PTDSS2: variants seen among roughly 807,000 people sequenced by gnomAD.
PTDSS2 encodes the protein PSS-2.
A neutral mutation model predicts 64.7 loss-of-function variants in PTDSS2; 41 were observed. The ratio of observed to expected loss-of-function variants is 0.63; its 90% confidence interval spans 0.49 to 0.82. The LOEUF is 0.82. Ranked by LOEUF, PTDSS2 falls within the 40% of genes least tolerant of loss-of-function variation. The probability of loss-of-function intolerance (pLI) is 0.00; values close to 1 mark genes in which losing one functional copy is unlikely to be tolerated. For missense variants in PTDSS2, 485 were observed against 650.0 expected, an observed-to-expected ratio of 0.75 and a Z score of 2.76; for synonymous variants, 297 against 277.8, an observed-to-expected ratio of 1.07 and a Z score of -0.69.
At chr11:459,112 GT>G in intron 1 of PTDSS2, 1 of 112,050 alleles carries the variant, frequency 8.9e-6, no homozygotes, top group African/African-American at 3.5e-5. Flanking sequence ...TCCGGTGGAT[GT>G]CGGACCTGGG....
At chr11:489,271 T>G (rs920491652) in intron 8 of PTDSS2, 129 bp from the exon 9 acceptor site, 8 of 724,010 alleles carry the variant, frequency 1.1e-5, no homozygotes, top group Non-Finnish European at 2.3e-6. Flanking sequence ...CGGGGCGGGG[T>G]GACCAAGAGC....
chr11:451,044 C>T (rs569326883), intron 1 of PTDSS2, among the ~76,000 whole-genome samples: 1 of 152,340 alleles, frequency 6.6e-6, no homozygotes, highest in South Asian at 2.1e-4. Context: ...TGTCCCCCGT[C>T]ATTCTGCCTG....
chr11:458,648 G>A (rs951066532), intron 1 of PTDSS2: 2 of 151,796 alleles, frequency 1.3e-5, no homozygotes, highest in African/African-American at 4.9e-5. Context: ...TGGGACTACA[G>A]GTGCCTGCCA....
intron 3 of PTDSS2, among the ~76,000 whole-genome samples, chr11:477,631 G>C (rs1196430039): frequency 2.6e-5 from 4 of 152,254 alleles, no homozygotes; most frequent in Admixed American, 2.6e-4. Context: ...GGCAGTGCGG[G>C]GAGGGAAGTT....
chr11:486,144 T>C (rs866441154), intron 4 of PTDSS2, among the ~76,000 whole-genome samples: 5 of 152,178 alleles, frequency 3.3e-5, no homozygotes, highest in Non-Finnish European at 5.9e-5. Flanking sequence ...CTGTAAATGA[T>C]GTAAACCTCC....
intron 1 of PTDSS2, among the ~76,000 whole-genome samples, chr11:457,850 T>C (rs916129021): frequency 6.6e-6 from 1 of 152,252 alleles, no homozygotes; most frequent in Non-Finnish European, 1.5e-5. Context: ...CTCACTTTTC[T>C]GTGCCGTTTT....
chr11:451,908 G>A (rs1380932604), intron 1 of PTDSS2, among the ~76,000 whole-genome samples: 3 of 152,206 alleles, frequency 2.0e-5, no homozygotes, highest in Non-Finnish European at 4.4e-5. Flanking sequence ...CCGGGTGGCT[G>A]CGGGGCCCTC....
At chr11:484,686 G>A (rs936693722) in intron 4 of PTDSS2, among the ~76,000 whole-genome samples, 1 of 149,032 alleles carries the variant, frequency 6.7e-6, no homozygotes, top group African/African-American at 2.4e-5. Flanking sequence ...GCACGGGCGT[G>A]TGTGCTGTGT....
At chr11:448,567 C>G (rs1475094075), upstream of PTDSS2, 4 of 152,282 alleles carry the variant, frequency 2.6e-5, no homozygotes, top group Non-Finnish European at 2.9e-5. Context: ...CAGCTGGACG[C>G]GGCCAGGGCC....
At chr11:451,456 C>T (rs1197513473) in intron 1 of PTDSS2, 6 of 435,870 alleles carry the variant, frequency 1.4e-5, no homozygotes, top group South Asian at 9.5e-5. Context: ...TGAAAGCAGG[C>T]TTCGTGAGAG....
intron 2 of PTDSS2, among the ~76,000 whole-genome samples, chr11:465,983 G>C (rs762268666): frequency 6.6e-6 from 1 of 152,242 alleles, no homozygotes; most frequent in African/African-American, 2.4e-5. Flanking sequence ...TTAAGGGAAC[G>C]AAAAGGTGAG....
At chr11:456,226 G>A (rs1014762981) in intron 1 of PTDSS2, among the ~76,000 whole-genome samples, 3 of 141,978 alleles carry the variant, frequency 2.1e-5, no homozygotes, top group Admixed American at 1.4e-4. Flanking sequence ...AGGCTGGAGT[G>A]CAGGGATGTG....
chr11:489,699 G>A lies in PTDSS2; in HGVS notation c.1081G>A (p.Ala361Thr). ...CTTCTTCGTGAACGTGGGTGGCGTG[G>A]CCATGCGTGAGATCTACGACTTCAT... is the stretch of plus-strand genomic sequence containing the variant. ...LVFFVNVGGV[A>T]MREIYDFMDD... Residue 361 changes from alanine to threonine, a missense_variant, in exon 10 of 12, where the codon GCC becomes ACC. Around this residue, in one of 3 missense-constraint regions of PTDSS2, gnomAD observed 219 missense variants for 257.3 expected, o/e 0.85. Transcript: ENST00000308020. 7 of 1,605,960 alleles carry A rather than the reference G, an allele frequency of 4.4e-6. No individual in the cohort carries two copies. Among genetic ancestry groups the A allele is most frequent in the Non-Finnish European group, 5.9e-6 (7 of 1,176,722 alleles).
In PTDSS2 at chr11:470,810, G is replaced by C. The variant is rs180889218; in HGVS notation, c.285-3085G>C. ...TCACCATGTTGGTCAGGCTGGTCTCGAACTCCTGACCTTGTGATCCGCCTG... is the reference window on the plus strand; with the variant it reads ...TCACCATGTTGGTCAGGCTGGTCTCCAACTCCTGACCTTGTGATCCGCCTG... On this transcript the variant is annotated intron_variant, in intron 2 of 11. Coordinates refer to ENST00000308020, the MANE Select transcript of PTDSS2 (RefSeq NM_030783.3). The surrounding 1 kb of genome is among the most constrained non-coding windows in gnomAD (Gnocchi z 5.3). Among the ~76,000 whole-genome samples, 19 of 151,974 alleles carry C rather than the reference G, an allele frequency of 1.3e-4. No individual in the cohort carries two copies. Among genetic ancestry groups the C allele is most frequent in the Admixed American group, 9.8e-4 (15 of 15,274 alleles).
Position 490,584 on chromosome 11 carries a change from C to A in PTDSS2, c.*2C>A. On this transcript the variant is annotated 3_prime_UTR_variant, in exon 12 of 12. Transcript: ENST00000308020. ...GAGGGAGCACCAACTCCAAACTGAC[C>A]TGGGCCGTGGCTGCCTCGTGAGCCT... The A allele has an allele frequency of 6.3e-7, 1 of 1,583,780 alleles. No homozygotes were observed.
Position 460,503 on chromosome 11 carries a change from C to T in PTDSS2, c.284+215C>T. On this transcript the variant is annotated intron_variant, in intron 2 of 11. Coordinates refer to ENST00000308020, the MANE Select transcript of PTDSS2 (RefSeq NM_030783.3). This position sits in a 1 kb window ranked among gnomAD's most constrained non-coding sequence, Gnocchi z 5.8. Reference sequence around the variant, plus strand: ...CCCGGTCAGCCCCCGTCGCCTGTCACTGGGAGCCAGGAGTCTGTGTCATCT... The same window carrying T: ...CCCGGTCAGCCCCCGTCGCCTGTCATTGGGAGCCAGGAGTCTGTGTCATCT... 1.8e-6 allele frequency: 1 copy of T among 547,420 alleles called. No individual in the cohort carries two copies. Among genetic ancestry groups the T allele is most frequent in the South Asian group, 2.2e-5 (1 of 46,254 alleles). 33.9% of individuals were successfully genotyped at this position (547,420 alleles called of 1,614,324 possible).
At chr11:487,350 C>T (rs1848439779) in intron 5 of PTDSS2, 70 bp from the exon 6 acceptor site, 3 of 1,409,158 alleles carry the variant, frequency 2.1e-6, no homozygotes, top group African/African-American at 2.8e-5. Flanking sequence ...CAGGTGTGGG[C>T]TGATCTGCCG....
chr11:487,100 G>A lies in PTDSS2; in HGVS notation c.570+27G>A, dbSNP rs753540587. The A allele has an allele frequency of 6.9e-6, 11 of 1,602,942 alleles. No homozygotes were observed. The East Asian group carries it at 1.8e-4, about 26-fold the overall frequency. ...TAAGACGCCGGGGGCCCTGAGGCGAGCCCCTCCCCAGGTGTGGCCCCGTGC... is the reference window on the plus strand; with the variant it reads ...TAAGACGCCGGGGGCCCTGAGGCGAACCCCTCCCCAGGTGTGGCCCCGTGC... On this transcript the variant is annotated intron_variant, in intron 5 of 11. Transcript: ENST00000308020.
Position 471,300 on chromosome 11 carries a change from G to A in PTDSS2, c.285-2595G>A, listed in dbSNP as rs375976901. 9.2e-5 allele frequency among the ~76,000 whole-genome samples: 14 copies of A among 152,066 alleles called. No homozygotes were observed. The East Asian group carries it at 9.7e-4, about 11-fold the overall frequency. ...TTAGTAGAGACAGGAGTTTCATGTC[G>A]GCCAGGCTGGTCTCGAACTCCTGAC... On this transcript the variant is annotated intron_variant, in intron 2 of 11. Coordinates refer to ENST00000308020, the MANE Select transcript of PTDSS2 (RefSeq NM_030783.3).
Sources: gnomAD v4.1 joint callset for allele counts (sites outside exome capture counted in the v4.1 genomes callset) on GRCh38, gnomAD v4.1.1 for gene constraint, gnomAD v4.1.1 regional missense constraint, Gnocchi (gnomAD v3.1) non-coding constraint, MANE v1.5 for transcripts, NCBI Gene and HGNC (gene_info 2026-07-23, HGNC 2026-07-21) for gene names.